HAPLN2: variants seen among roughly 807,000 people sequenced by gnomAD.
HAPLN2 encodes brain link protein-1.
A neutral mutation model predicts 29.3 loss-of-function variants in HAPLN2; 27 were observed. The ratio of observed to expected loss-of-function variants is 0.92; its 90% confidence interval spans 0.68 to 1.27. HAPLN2 has a LOEUF of 1.27. Among genes scored for constraint, HAPLN2 ranks in the 50% most tolerant of loss-of-function variants. The pLI is 0.00. For synonymous variants in HAPLN2, 208 were observed against 211.7 expected (o/e 0.98, Z 0.15); for missense variants, 454 against 484.3 (o/e 0.94, Z 0.59).
chr1:156,615,538 C>G (rs2102517514), upstream of HAPLN2, among the ~76,000 whole-genome samples: 1 of 150,864 alleles, frequency 6.6e-6, no homozygotes, highest in South Asian at 2.1e-4. Context: ...TTCTGAGTCA[C>G]AGAGACAGAT....
the HAPLN2 span, among the ~76,000 whole-genome samples, chr1:156,601,936 C>CT: frequency 3.0e-3 from 432 of 145,352 alleles, 2 homozygotes; most frequent in South Asian, 0.018. Context: ...TCATCAAGCA[C>CT]TTTTTTTTTT....
the HAPLN2 span, among the ~76,000 whole-genome samples, chr1:156,605,346 C>G: frequency 1.3e-5 from 2 of 151,094 alleles, no homozygotes; most frequent in African/African-American, 4.9e-5. Context: ...AATCCTAGCA[C>G]TTTGCGAGGC....
chr1:156,625,300 G>A lies in HAPLN2; in HGVS notation c.939G>A (p.Gly313=), dbSNP rs769004983. The A allele has an allele frequency of 9.5e-6, 15 of 1,582,214 alleles. No homozygotes were observed. The highest frequency in any genetic ancestry group is 3.5e-4 in the Middle Eastern group (2 of 5,672). The part of the protein sequence containing the change: ...PITTPRPRCG[G]LPDPGVRSFG... ...CCACGCCGAGGCCGCGCTGCGGGGG[G>A]CTCCCGGATCCCGGAGTGCGCAGTT... The change falls in exon 7 of 7, where the codon GGG becomes GGA. Residue 313 remains glycine (G), a synonymous_variant. Transcript: ENST00000255039. This position sits in a 1 kb window ranked among gnomAD's most constrained non-coding sequence, Gnocchi z 5.7.
At chr1:156,602,798 A>G in the HAPLN2 span, among the ~76,000 whole-genome samples, 1 of 152,072 alleles carries the variant, frequency 6.6e-6, no homozygotes, top group Admixed American at 6.6e-5. Flanking sequence ...GGGACTGCAC[A>G]TGCCCCTACC....
At chr1:156,621,869 A>C (rs576876478) in intron 2 of HAPLN2, among the ~76,000 whole-genome samples, 1 of 150,802 alleles carries the variant, frequency 6.6e-6, no homozygotes, top group South Asian at 2.1e-4. Flanking sequence ...TGATTAAAAA[A>C]TTTTTTTTAC....
At chr1:156,619,763 G>T (rs1678161721) in intron 1 of HAPLN2, among the ~76,000 whole-genome samples, 1 of 152,108 alleles carries the variant, frequency 6.6e-6, no homozygotes, top group Non-Finnish European at 1.5e-5. Context: ...ACTCTTCCAG[G>T]TCATCATTCC....
chr1:156,610,091 G>A, the HAPLN2 span, among the ~76,000 whole-genome samples: 1 of 152,096 alleles, frequency 6.6e-6, no homozygotes, highest in Non-Finnish European at 1.5e-5. Context: ...GCACGTGCCT[G>A]TAATCCCAGG....
rs202081881 is a variant in HAPLN2, at chr1:156,624,697, G to A, written c.653G>A (p.Arg218Gln). The A allele has an allele frequency of 1.4e-4, 230 of 1,595,798 alleles. 1 individual carries two copies. Among genetic ancestry groups the A allele is most frequent in the South Asian group, 1.9e-4 (17 of 89,696 alleles). The change falls in exon 6 of 7, where the codon CGA (arginine) becomes CAA (glutamine). Residue 218 changes from arginine (R) to glutamine (Q), a missense_variant. By Grantham distance (43) the Arg-to-Gln change is conservative. This residue lies in a region of HAPLN2 where 235 missense variants were observed against 236.9 expected (regional missense o/e 0.99). Coordinates refer to ENST00000255039, the MANE Select transcript of HAPLN2 (RefSeq NM_021817.3). ...VLTARAPCGG[R>Q]GRPGIRSYGP... ...ACCGCACGCGCCCCGTGCGGCGGCC[G>A]AGGCCGGCCCGGGATCCGCAGCTAC...
At chr1:156,604,919 C>CTT in the HAPLN2 span, among the ~76,000 whole-genome samples, 486 of 139,724 alleles carry the variant, frequency 3.5e-3, 6 homozygotes, top group African/African-American at 0.011. Flanking sequence ...TCCCAGCTGG[C>CTT]TTTTTTTTTT....
intron 6 of HAPLN2, 126 bp downstream of exon 6, chr1:156,624,909 G>GGGCCCCCCCCCC: frequency 3.0e-6 from 3 of 999,512 alleles, no homozygotes; most frequent in Non-Finnish European, 4.2e-6. Context: ...CCCCCCATCA[G>GGGCCCCCCCCCC]CCCGCCCGCC....
At chr1:156,618,063 G>A (rs1281486086), upstream of HAPLN2, among the ~76,000 whole-genome samples, 1 of 152,046 alleles carries the variant, frequency 6.6e-6, no homozygotes, top group East Asian at 1.9e-4. Context: ...TGGGGAGGCT[G>A]AGGTGGGCGG....
At chr1:156,604,528 T>G in the HAPLN2 span, among the ~76,000 whole-genome samples, 1 of 152,192 alleles carries the variant, frequency 6.6e-6, no homozygotes, top group Non-Finnish European at 1.5e-5. Context: ...GACCTCATGA[T>G]CTGCCTGCCT....
Position 156,623,910 on chromosome 1 carries a change from T to G in HAPLN2, c.189T>G (p.Pro63=). ...TGCCCTGCGTCCTGGGCACCACGCC[T>G]CCCAGCTACAAGGTGCGCTGGAGCA... ...ATLPCVLGTT[P]PSYKVRWSKV... Residue 63 remains proline (P), a synonymous_variant, in exon 4 of 7, where the codon CCT becomes CCG. Coordinates refer to ENST00000255039, the MANE Select transcript of HAPLN2 (RefSeq NM_021817.3). 6.2e-7 allele frequency: 1 copy of G among 1,602,222 alleles called. No individual in the cohort carries two copies. Among genetic ancestry groups the G allele is most frequent in the Non-Finnish European group, 8.5e-7 (1 of 1,174,420 alleles).
chr1:156,624,823 T>A (rs1368887326), intron 6 of HAPLN2, 40 bp downstream of exon 6: 1 of 1,451,658 alleles, frequency 6.9e-7, no homozygotes, highest in East Asian at 2.5e-5. Flanking sequence ...GGGAGGGGTC[T>A]GAAAAATGTG....
At chr1:156,616,370 T>C (rs759184942), upstream of HAPLN2, among the ~76,000 whole-genome samples, 11 of 152,210 alleles carry the variant, frequency 7.2e-5, no homozygotes, top group Non-Finnish European at 1.5e-4. Context: ...ATTCATTATA[T>C]GTATTCCTGT....
At chr1:156,618,876 T>C (rs190830953), upstream of HAPLN2, among the ~76,000 whole-genome samples, 9 of 151,776 alleles carry the variant, frequency 5.9e-5, no homozygotes, top group Admixed American at 2.6e-4. Flanking sequence ...AAAGGTTATC[T>C]ATTTGTGCTG....
At chr1:156,602,661 G>A in the HAPLN2 span, among the ~76,000 whole-genome samples, 1 of 150,908 alleles carries the variant, frequency 6.6e-6, no homozygotes, top group Non-Finnish European at 1.5e-5. Flanking sequence ...AGGGGAGGGC[G>A]GAGGTTGCAG....
the HAPLN2 span, among the ~76,000 whole-genome samples, chr1:156,606,423 T>TG: frequency 2.0e-5 from 1 of 49,494 alleles, no homozygotes; most frequent in Non-Finnish European, 3.9e-5. Context: ...AGACTCTGTC[T>TG]AAAAAAAAAA....
chr1:156,623,753 C>T lies in HAPLN2; in HGVS notation c.86-54C>T. ...CATTTGGGGAGCAGGGTCTGATGGG[C>T]ACTTGGGGCAGTGAGGATTGGGGGT... On this transcript the variant is annotated intron_variant, in intron 3 of 6. Coordinates refer to ENST00000255039, the MANE Select transcript of HAPLN2 (RefSeq NM_021817.3). The T allele has an allele frequency of 2.0e-6, 3 of 1,471,552 alleles. No individual in the cohort carries two copies. The South Asian group carries it at 4.2e-5, about 20-fold the overall frequency. 91.2% of individuals were successfully genotyped at this position (1,471,552 alleles called of 1,614,324 possible).
Sources: gnomAD v4.1 joint callset for allele counts (sites outside exome capture counted in the v4.1 genomes callset) on GRCh38, gnomAD v4.1.1 for gene constraint, gnomAD v4.1.1 regional missense constraint, Gnocchi (gnomAD v3.1) non-coding constraint, MANE v1.5 for transcripts, NCBI Gene and HGNC (gene_info 2026-07-23, HGNC 2026-07-21) for gene names.